The following ACSL5 variants were observed in gnomAD, a reference collection of about 807,000 sequenced individuals.
The protein encoded by ACSL5 is acyl-CoA synthetase long chain family member 5.
In ACSL5, 50 loss-of-function variants were observed where a neutral mutation model predicts 84.9. The ratio of observed to expected loss-of-function variants is 0.59; its 90% CI spans 0.47 to 0.75. The LOEUF is 0.75. ACSL5 is among the 30% of genes least tolerant of loss of function. The pLI is 0.00. For missense variants in ACSL5, 775 were observed against 830.4 expected (o/e 0.93, Z 0.82); for synonymous variants, 280 against 300.7 (o/e 0.93, Z 0.71).
Position 112,404,515 on chromosome 10 carries a change from T to G in ACSL5, c.270T>G (p.Asn90Lys), listed in dbSNP as rs757292966. Residue 90 changes from asparagine (N) to lysine (K), a missense_variant, in exon 4 of 21, where the codon AAT becomes AAG. Asn to Lys is a moderately conservative substitution (Grantham distance 94). Coordinates refer to ENST00000354655, the MANE Select transcript of ACSL5 (RefSeq NM_203379.2). ...CTTTTAATATTATGTTTTTAGACAATGGGCCCTGCTTGGGATATAGAAAAC... is the reference window on the plus strand; with the variant it reads ...CTTTTAATATTATGTTTTTAGACAAGGGGCCCTGCTTGGGATATAGAAAAC... ...VFQRGLAVSDNGPCLGYRKPN... is the reference protein window; with the variant it reads ...VFQRGLAVSDKGPCLGYRKPN... 3.1e-6 allele frequency: 5 copies of G among 1,612,398 alleles called. No homozygotes were observed. Among genetic ancestry groups the G allele is most frequent in the African/African-American group, 1.3e-5 (1 of 74,892 alleles).
intron 5 of ACSL5, 167 bp from the exon 6 acceptor site, chr10:112,408,255 C>T (rs1844092809): frequency 1.9e-6 from 1 of 514,374 alleles, no homozygotes; most frequent in Non-Finnish European, 3.5e-6. Flanking sequence ...GCTATGATCA[C>T]ACCACTGCAC....
chr10:112,387,749 T>G (rs1221079117), intron 1 of ACSL5, among the ~76,000 whole-genome samples: 1 of 152,202 alleles, frequency 6.6e-6, no homozygotes, highest in African/African-American at 2.4e-5. Flanking sequence ...GGTCTCCTTT[T>G]TAATTAGCTT....
intron 1 of ACSL5, among the ~76,000 whole-genome samples, chr10:112,391,785 T>G (rs563159538): frequency 6.6e-6 from 1 of 152,192 alleles, no homozygotes; most frequent in African/African-American, 2.4e-5. Flanking sequence ...TCTTCTGGAT[T>G]ATCTAGGGAG....
intron 5 of ACSL5, 111 bp downstream of exon 5, chr10:112,404,917 T>C: frequency 1.0e-6 from 1 of 960,582 alleles, no homozygotes; most frequent in Non-Finnish European, 1.6e-6. Context: ...ACCAAAGCTA[T>C]TGTTAAAATT....
intron 1 of ACSL5, 111 bp from the exon 2 acceptor site, chr10:112,394,807 C>T (rs1029883979): frequency 6.5e-5 from 98 of 1,512,424 alleles, no homozygotes; most frequent in African/African-American, 4.5e-4. Flanking sequence ...AAGGCGTGCG[C>T]GCGTGTGTGT....
intron 4 of ACSL5, 37 bp downstream of exon 4, chr10:112,404,612 A>G: frequency 6.2e-7 from 1 of 1,604,270 alleles, no homozygotes; most frequent in South Asian, 1.1e-5. Context: ...GATTCTTTCT[A>G]ACATAGTATT....
At chr10:112,399,307 T>C (rs1292919144) in intron 3 of ACSL5, among the ~76,000 whole-genome samples, 1 of 152,204 alleles carries the variant, frequency 6.6e-6, no homozygotes, top group East Asian at 1.9e-4. Context: ...CTGCCAAAAC[T>C]GTTGTTAAAG....
At chr10:112,403,353 T>A (rs1843949402) in intron 3 of ACSL5, among the ~76,000 whole-genome samples, 1 of 152,256 alleles carries the variant, frequency 6.6e-6, no homozygotes, top group South Asian at 2.1e-4. Context: ...AATGGCACGA[T>A]CTCAACTCAT....
chr10:112,400,853 C>T (rs1843868608), intron 3 of ACSL5, among the ~76,000 whole-genome samples: 1 of 152,210 alleles, frequency 6.6e-6, no homozygotes, highest in Non-Finnish European at 1.5e-5. Context: ...CCACTATGCT[C>T]AGCTCTAGTG....
chr10:112,405,784 A>C (rs1337269553), intron 5 of ACSL5, among the ~76,000 whole-genome samples: 1 of 152,190 alleles, frequency 6.6e-6, no homozygotes, highest in Non-Finnish European at 1.5e-5. Flanking sequence ...CATATTTTGT[A>C]TGTTATATGT....
At chr10:112,387,895 C>G (rs1322292280) in intron 1 of ACSL5, among the ~76,000 whole-genome samples, 1 of 151,050 alleles carries the variant, frequency 6.6e-6, no homozygotes, top group East Asian at 1.9e-4. Context: ...TAATAGTTCT[C>G]CAGGCCTAAA....
At chr10:112,416,443 C>G (rs1413916461) in intron 12 of ACSL5, among the ~76,000 whole-genome samples, 1 of 143,282 alleles carries the variant, frequency 7.0e-6, no homozygotes, top group Non-Finnish European at 1.5e-5. Flanking sequence ...TGCACTCCAG[C>G]CTGGGCGACA....
Position 112,388,383 on chromosome 10 carries a change from C to T in ACSL5, c.-29-6535C>T, listed in dbSNP as rs75710813. On this transcript the variant is annotated intron_variant, in intron 1 of 20. Transcript: ENST00000354655. ...AGAAATACACCCCTGTCACCAGCCA[C>T]CATCCCTATCCAATACCTTACCAAA... Among the ~76,000 whole-genome samples, 403 of 152,260 alleles carry T rather than the reference C, an allele frequency of 2.6e-3. 1 individual carries two copies. The highest frequency in any genetic ancestry group is 0.011 in the East Asian group (58 of 5,184).
chr10:112,411,818 A>C lies in ACSL5; in HGVS notation c.871-84A>C, dbSNP rs1467204828. ...TACAGCTGTCTGTGGTAGTCCTGGG[A>C]GGAGGTAGTTTTAAAATCTCCATTG... On this transcript the variant is annotated intron_variant, in intron 10 of 20. Transcript: ENST00000354655. 7.8e-6 allele frequency: 10 copies of C among 1,288,390 alleles called. No homozygotes were observed. The Admixed American group carries it at 1.3e-4, about 17-fold the overall frequency. The allele number at this position is 1,288,390 out of a possible 1,614,324, so 79.8% of individuals were successfully genotyped here. A position where few individuals can be genotyped will look rare whatever the true frequency, so the allele number is the denominator to read the frequency against.
intron 3 of ACSL5, among the ~76,000 whole-genome samples, chr10:112,403,853 C>T (rs183626339): frequency 1.2e-4 from 18 of 152,234 alleles, no homozygotes; most frequent in African/African-American, 3.6e-4. Flanking sequence ...TAAATACCCA[C>T]GATGAAATAA....
intron 10 of ACSL5, 27 bp downstream of exon 10, chr10:112,411,556 C>G: frequency 6.3e-7 from 1 of 1,593,062 alleles, no homozygotes; most frequent in African/African-American, 1.3e-5. Flanking sequence ...AAAAGAGGCT[C>G]TCATTAAAAT....
intron 1 of ACSL5, among the ~76,000 whole-genome samples, chr10:112,379,425 AAAAG>A (rs979675117): frequency 1.3e-5 from 2 of 151,512 alleles, no homozygotes; most frequent in Non-Finnish European, 2.9e-5. Context: ...AAAAAAAAAA[AAAAG>A]AGATGAGGGC....
At chr10:112,417,551 T>C (rs960329080) in intron 13 of ACSL5, among the ~76,000 whole-genome samples, 3 of 152,078 alleles carry the variant, frequency 2.0e-5, no homozygotes, top group Admixed American at 2.0e-4. Flanking sequence ...CTCTCTTATT[T>C]TCTTTGGTGG....
intron 1 of ACSL5, among the ~76,000 whole-genome samples, chr10:112,377,366 C>T (rs1389423996): frequency 6.6e-6 from 1 of 152,122 alleles, no homozygotes; most frequent in Non-Finnish European, 1.5e-5. Context: ...ATGGCGAAAC[C>T]CCATCTCTAC....
Sources: allele counts gnomAD v4.1 joint callset (sites outside exome capture counted in the v4.1 genomes callset), GRCh38; gene constraint gnomAD v4.1.1; transcripts MANE v1.5; gene names NCBI Gene and HGNC (gene_info 2026-07-23, HGNC 2026-07-21).